CECR2: variants seen among roughly 807,000 people sequenced by gnomAD.
CECR2 encodes the protein CECR2 histone acetyl-lysine reader.
A neutral mutation model predicts 154.5 loss-of-function variants in CECR2; 30 were observed. The ratio of observed to expected loss-of-function variants is 0.19; its 90% CI spans 0.15 to 0.26. The LOEUF (loss-of-function observed/expected upper bound fraction) is 0.26. CECR2 is among the 10% of genes least tolerant of loss of function. The probability of loss-of-function intolerance (pLI) is 1.00; values close to 1 mark genes in which losing one functional copy is unlikely to be tolerated. For missense variants in CECR2, 1,743 were observed against 1,829.3 expected (o/e 0.95, Z 0.86); for synonymous variants, 725 against 683.7 (o/e 1.06, Z -0.94).
intron 1 of CECR2, among the ~76,000 whole-genome samples, chr22:17,374,305 A>G (rs1158062097): frequency 6.6e-6 from 1 of 152,178 alleles, no homozygotes; most frequent in African/African-American, 2.4e-5. Context: ...CAATATTCAG[A>G]TTCTTGAATT....
chr22:17,360,136 T>C (rs988853889), intron 1 of CECR2: 11 of 152,106 alleles, frequency 7.2e-5, no homozygotes, highest in African/African-American at 2.7e-4. Context: ...CACTGAAAAG[T>C]GGAGAAACTA....
chr22:17,542,429 G>T lies in CECR2; in HGVS notation c.2286G>T (p.Ser762=), dbSNP rs747825289. 9.3e-6 allele frequency: 15 copies of T among 1,613,776 alleles called. No homozygotes were observed. In the African/African-American group the frequency reaches 1.9e-4, roughly 20 times the overall value. ...SEIPPSHMYR[S]YKYLNRVHSA... ...TTCCTCCCAGCCATATGTATCGATC[G>T]TACAAGTACCTGAATCGAGTACACT... is the stretch of plus-strand genomic sequence containing the variant. Residue 762 remains serine, a synonymous_variant, in exon 16 of 19, where the codon TCG becomes TCT. Coordinates refer to ENST00000262608, the MANE Select transcript of CECR2 (RefSeq NM_001290047.2).
chr22:17,421,297 C>T (rs1291871892), intron 1 of CECR2, among the ~76,000 whole-genome samples: 3 of 151,546 alleles, frequency 2.0e-5, no homozygotes, highest in Non-Finnish European at 4.4e-5. Context: ...AGTGAAACCC[C>T]GTCTCTACTA....
At chr22:17,512,933 A>G (rs989459134) in intron 8 of CECR2, among the ~76,000 whole-genome samples, 1 of 152,146 alleles carries the variant, frequency 6.6e-6, no homozygotes, top group African/African-American at 2.4e-5. Context: ...AACAACATAA[A>G]TGGGAGGGCA....
chr22:17,436,138 T>G (rs565821865), intron 1 of CECR2, among the ~76,000 whole-genome samples: 12 of 152,236 alleles, frequency 7.9e-5, no homozygotes, highest in South Asian at 2.1e-4. Context: ...TTTTATATTT[T>G]TAGTAGAGAC....
At chr22:17,414,589 G>A (rs9618008) in intron 1 of CECR2, among the ~76,000 whole-genome samples, 119,395 of 150,816 alleles carry the variant, frequency 0.79, 47,401 homozygotes, top group East Asian at 0.87. Flanking sequence ...ATATGTATAC[G>A]TGTGCCATGT....
chr22:17,434,888 A>G (rs1033339635), intron 1 of CECR2, among the ~76,000 whole-genome samples: 2 of 152,140 alleles, frequency 1.3e-5, no homozygotes, highest in Admixed American at 6.6e-5. Flanking sequence ...AGCAGCCAGC[A>G]TTATCTGGCA....
intron 1 of CECR2, among the ~76,000 whole-genome samples, chr22:17,393,038 T>C (rs1238239600): frequency 9.9e-5 from 15 of 152,158 alleles, no homozygotes; most frequent in Non-Finnish European, 2.9e-5. Flanking sequence ...AGACTCTGTC[T>C]CAGAAAATAG....
chr22:17,369,168 G>C (rs1351761026), upstream of CECR2, among the ~76,000 whole-genome samples: 1 of 151,898 alleles, frequency 6.6e-6, no homozygotes, highest in Non-Finnish European at 1.5e-5. Flanking sequence ...GGGGGTGGGA[G>C]AGCTCCTGGC....
intron 14 of CECR2, 23 bp from the exon 15 acceptor site, chr22:17,541,816 T>G: frequency 6.3e-7 from 1 of 1,589,216 alleles, no homozygotes; most frequent in Non-Finnish European, 8.6e-7. Flanking sequence ...TTTCCTCTTC[T>G]TGCTTTGTTC....
intron 6 of CECR2, among the ~76,000 whole-genome samples, chr22:17,503,712 T>C (rs897775969): frequency 6.6e-6 from 1 of 152,178 alleles, no homozygotes; most frequent in Non-Finnish European, 1.5e-5. Context: ...TTGTTAACAA[T>C]GACTTTAACA....
chr22:17,393,782 T>C (rs930134911), intron 1 of CECR2, among the ~76,000 whole-genome samples: 9 of 152,214 alleles, frequency 5.9e-5, no homozygotes, highest in African/African-American at 1.9e-4. Flanking sequence ...TGTGTTGCCA[T>C]TTGTTATATA....
At chr22:17,378,220 T>C (rs1413245578) in intron 1 of CECR2, among the ~76,000 whole-genome samples, 1 of 151,340 alleles carries the variant, frequency 6.6e-6, no homozygotes, top group East Asian at 1.9e-4. Flanking sequence ...CCTAACCTTG[T>C]GATCCGCCCG....
chr22:17,378,073 C>CT (rs2063138623), intron 1 of CECR2, among the ~76,000 whole-genome samples: 2 of 145,188 alleles, frequency 1.4e-5, no homozygotes, highest in South Asian at 4.5e-4. Context: ...AACCTCCGCC[C>CT]CCCGGGTTCA....
chr22:17,388,267 A>T (rs74412737), intron 1 of CECR2, among the ~76,000 whole-genome samples: 8,272 of 152,178 alleles, frequency 0.054, 332 homozygotes, highest in African/African-American at 0.12. Flanking sequence ...TTTTCTTCAT[A>T]GTTACTTTTT....
In CECR2 at chr22:17,549,013, C is replaced by T. The variant is rs550039405; in HGVS notation, c.3726C>T (p.Ala1242=). ...PPRSLFSDKN[A]MASLQGCETL... ...GGTCCCTCTTCTCAGATAAGAATGC[C>T]ATGGCCAGTCTGCAAGGCTGTGAGA... The change falls in exon 17 of 19, where the codon GCC becomes GCT. Residue 1242 remains alanine, a synonymous_variant. Coordinates refer to ENST00000262608, the MANE Select transcript of CECR2 (RefSeq NM_001290047.2). 4 of 1,613,982 alleles carry T rather than the reference C, an allele frequency of 2.5e-6. No individual in the cohort carries two copies. Among genetic ancestry groups the T allele is most frequent in the East Asian group, 4.5e-5 (2 of 44,882 alleles).
At chr22:17,511,077 G>A (rs191808924) in intron 7 of CECR2, among the ~76,000 whole-genome samples, 37 of 152,214 alleles carry the variant, frequency 2.4e-4, no homozygotes, top group East Asian at 5.8e-4. Context: ...TTTTTGATGC[G>A]GAAGTCACGG....
At chr22:17,375,627 G>A (rs1440836407) in intron 1 of CECR2, among the ~76,000 whole-genome samples, 1 of 151,122 alleles carries the variant, frequency 6.6e-6, no homozygotes, top group African/African-American at 2.5e-5. Flanking sequence ...TGATTAGTAG[G>A]GCCTGCCTGA....
intron 1 of CECR2, among the ~76,000 whole-genome samples, chr22:17,402,844 G>A (rs568048149): frequency 3.5e-5 from 5 of 142,642 alleles, no homozygotes; most frequent in South Asian, 2.3e-4. Flanking sequence ...TGCAACCTCC[G>A]CCTCCCGGGT....
Sources: gnomAD v4.1 joint callset for allele counts (sites outside exome capture counted in the v4.1 genomes callset) on GRCh38, gnomAD v4.1.1 for gene constraint, MANE v1.5 for transcripts, NCBI Gene and HGNC (gene_info 2026-07-23, HGNC 2026-07-21) for gene names.